Variants in THRAP3 observed in about 807,000 individuals in gnomAD.
THRAP3 encodes the protein thyroid hormone receptor-associated protein 3.
THRAP3 carries 16 observed loss-of-function variants against 101.0 expected under a neutral mutation model. That is an observed-to-expected ratio of 0.16 (90% CI 0.11 to 0.24). The LOEUF (loss-of-function observed/expected upper bound fraction) is 0.24, where lower values mean the gene tolerates loss of function less well. Among genes scored for constraint, THRAP3 ranks in the 10% least tolerant of loss-of-function variants. The pLI is 1.00. For missense variants in THRAP3, 989 were observed against 1,202.7 expected, an observed-to-expected ratio of 0.82 and a Z score of 2.63; for synonymous variants, 407 against 422.6, an observed-to-expected ratio of 0.96 and a Z score of 0.45.
At chr1:36,290,234 C>T (rs1451273781) in intron 5 of THRAP3, among the ~76,000 whole-genome samples, 1 of 151,712 alleles carries the variant, frequency 6.6e-6, no homozygotes, top group Non-Finnish European at 1.5e-5. Context: ...CTCCCTCTGT[C>T]ACCCAGGCTG....
chr1:36,263,239 A>G (rs891316516), intron 2 of THRAP3, among the ~76,000 whole-genome samples: 4 of 152,010 alleles, frequency 2.6e-5, no homozygotes, highest in African/African-American at 4.8e-5. Context: ...AGCTGAGACT[A>G]TAGGCACAAG....
At chr1:36,296,952 A>C (rs1178298618) in intron 9 of THRAP3, among the ~76,000 whole-genome samples, 182 bp downstream of exon 9, 1 of 152,202 alleles carries the variant, frequency 6.6e-6, no homozygotes, top group Non-Finnish European at 1.5e-5. Context: ...TCTACATCAA[A>C]ATAGTGTGAT....
rs186163316 is a variant in THRAP3, at chr1:36,303,566, A to G, written c.2647-230A>G. 7.8e-3 allele frequency among the ~76,000 whole-genome samples: 1,192 copies of G among 152,272 alleles called. 10 individuals are homozygous for G. The highest frequency in any genetic ancestry group is 0.027 in the African/African-American group (1,130 of 41,540). The stretch of plus-strand genomic sequence containing the variant: ...ATCATCATTGTCAATCATCGTTACA[A>G]TGCCCAAGCTGTTACCTTAAAATTC... On this transcript the variant is annotated intron_variant, in intron 11 of 11. Transcript: ENST00000354618.
chr1:36,267,168 G>A (rs1184617958), intron 2 of THRAP3, among the ~76,000 whole-genome samples: 1 of 152,122 alleles, frequency 6.6e-6, no homozygotes, highest in Non-Finnish European at 1.5e-5. Flanking sequence ...ACAGGCGTGA[G>A]CCACCGCGCC....
rs550437910 is a variant in THRAP3 at position 36,269,678 on chromosome 1, C to T, written c.-32+10194C>T. Among the ~76,000 whole-genome samples the T allele has an allele frequency of 7.2e-5, 11 of 152,230 alleles. No homozygotes were observed. In the East Asian group the frequency reaches 2.1e-3, roughly 29 times the overall value. Reference sequence around the variant, plus strand: ...AGCCTGGACCTGGGCCCAAGCCATCCTCTTACCTCAGCCTCCCAAGTAGCT... The same window carrying T: ...AGCCTGGACCTGGGCCCAAGCCATCTTCTTACCTCAGCCTCCCAAGTAGCT... On this transcript the variant is annotated intron_variant, in intron 2 of 11. Coordinates refer to ENST00000354618, the MANE Select transcript of THRAP3 (RefSeq NM_005119.4).
chr1:36,291,296 C>CA, intron 5 of THRAP3, 78 bp from the exon 6 acceptor site: 6 of 1,442,088 alleles, frequency 4.2e-6, no homozygotes, highest in South Asian at 2.7e-5. Flanking sequence ...TAAAACTCTT[C>CA]AAAAAAGTAT....
intron 10 of THRAP3, 124 bp from the exon 11 acceptor site, chr1:36,301,429 C>T: frequency 8.1e-7 from 1 of 1,240,838 alleles, no homozygotes; most frequent in African/African-American, 1.5e-5. Flanking sequence ...ACCAGCTGAC[C>T]AGCATATGAC....
At chr1:36,237,162 C>T (rs545852893) in intron 1 of THRAP3, among the ~76,000 whole-genome samples, 2 of 151,124 alleles carry the variant, frequency 1.3e-5, no homozygotes, top group Non-Finnish European at 2.9e-5. Context: ...AACTCCATCT[C>T]AAAACAAAAA....
At chr1:36,303,183 C>T (rs913613114) in intron 11 of THRAP3, among the ~76,000 whole-genome samples, 6 of 145,428 alleles carry the variant, frequency 4.1e-5, no homozygotes, top group Admixed American at 1.4e-4. Context: ...AGGCTGGTCT[C>T]GAAATTCTGA....
At chr1:36,290,612 C>T (rs1384133931) in intron 5 of THRAP3, among the ~76,000 whole-genome samples, 3 of 152,142 alleles carry the variant, frequency 2.0e-5, no homozygotes, top group Non-Finnish European at 2.9e-5. Context: ...ATTACACGCA[C>T]CTGCCACCAC....
the THRAP3 span, among the ~76,000 whole-genome samples, chr1:36,217,514 G>C: frequency 0.084 from 12,748 of 151,908 alleles, 750 homozygotes; most frequent in Middle Eastern, 0.23. Flanking sequence ...TTGTTTTACT[G>C]TGCTTTGTAG....
chr1:36,271,962 T>A (rs562847480), intron 2 of THRAP3, among the ~76,000 whole-genome samples: 2 of 152,024 alleles, frequency 1.3e-5, no homozygotes, highest in East Asian at 3.9e-4. Flanking sequence ...ACTCCTGACC[T>A]CAAGTAATTC....
intron 1 of THRAP3, among the ~76,000 whole-genome samples, chr1:36,225,627 G>A (rs1644953318): frequency 6.6e-6 from 1 of 151,784 alleles, no homozygotes; most frequent in South Asian, 2.1e-4. Context: ...TTTTTCTTCT[G>A]TTTCAGATGA....
At chr1:36,288,144 T>A in intron 4 of THRAP3, 1 of 976,114 alleles carries the variant, frequency 1.0e-6, no homozygotes, top group Non-Finnish European at 1.2e-6. Context: ...TAAGTCTGTT[T>A]TATTTTATTT....
intron 2 of THRAP3, among the ~76,000 whole-genome samples, chr1:36,278,367 C>G (rs1347480459): frequency 2.0e-5 from 3 of 152,060 alleles, no homozygotes; most frequent in Non-Finnish European, 4.4e-5. Flanking sequence ...CACCAGGCTT[C>G]AATCGGGTTT....
At chr1:36,294,022 C>T in intron 8 of THRAP3, 87 bp downstream of exon 8, 1 of 1,552,926 alleles carries the variant, frequency 6.4e-7, no homozygotes, top group Non-Finnish European at 8.7e-7. Context: ...AAATTACTCT[C>T]TACTTAAGTT....
the THRAP3 span, among the ~76,000 whole-genome samples, chr1:36,210,630 C>A: frequency 7.9e-6 from 1 of 126,590 alleles, no homozygotes; most frequent in Non-Finnish European, 1.6e-5. Flanking sequence ...GTGGAGGTTG[C>A]AGTGAGCCCA....
chr1:36,298,413 C>T (rs772621013), intron 9 of THRAP3, among the ~76,000 whole-genome samples: 1 of 152,176 alleles, frequency 6.6e-6, no homozygotes, highest in Non-Finnish European at 1.5e-5. Context: ...ATTTCCTCTC[C>T]CTGGAACACA....
chr1:36,214,022 GAAAGAAAGA>G, the THRAP3 span, among the ~76,000 whole-genome samples: 1 of 119,932 alleles, frequency 8.3e-6, no homozygotes, highest in Non-Finnish European at 1.8e-5. Context: ...AAGAAAGAAA[GAAAGAAAGA>G]AAGAAAGAAA....
Sources: gnomAD v4.1 joint callset for allele counts (sites outside exome capture counted in the v4.1 genomes callset) on GRCh38, gnomAD v4.1.1 for gene constraint, MANE v1.5 for transcripts, NCBI Gene and HGNC (gene_info 2026-07-23, HGNC 2026-07-21) for gene names.